The following CPEB1 variants were observed in gnomAD, a reference collection of about 807,000 sequenced individuals.
CPEB1 encodes the protein cytoplasmic polyadenylation element binding protein 1.
In CPEB1, 7 loss-of-function variants were observed where a neutral mutation model predicts 65.8. The ratio of observed to expected loss-of-function variants is 0.11; its 90% CI spans 0.06 to 0.20. The LOEUF is 0.20. Among genes scored for constraint, CPEB1 ranks in the 10% least tolerant of loss-of-function variants. CPEB1 has a pLI of 1.00. For missense variants in CPEB1, 551 were observed against 712.2 expected, an observed-to-expected ratio of 0.77 and a Z score of 2.58; for synonymous variants, 262 against 260.0, an observed-to-expected ratio of 1.01 and a Z score of -0.08.
chr15:82,571,605 A>C, intron 3 of CPEB1, 73 bp from the exon 4 acceptor site: 1 of 1,524,648 alleles, frequency 6.6e-7, no homozygotes, highest in East Asian at 2.3e-5. Context: ...AACAGTAAAT[A>C]TTATTAATAA....
In CPEB1 at chr15:82,629,986, A is replaced by G. The variant is rs538732883; in HGVS notation, c.-97-1430T>C. 1.9e-5 allele frequency: 19 copies of G among 985,342 alleles called. No individual in the cohort carries two copies. The East Asian group carries it at 4.5e-4, about 24-fold the overall frequency. The allele number at this position is 985,342 out of a possible 1,614,324, so 61.0% of individuals were successfully genotyped here. A position where few individuals can be genotyped will look rare whatever the true frequency, so the allele number is the denominator to read the frequency against. On this transcript the variant is annotated intron_variant, in intron 1 of 12. Transcript: ENST00000684509. ...ACAAGGTTGTTTTCCCAAGCTCTCT[A>G]GAGTGGTGCCATTGAGAACTGTTAA...
intron 3 of CPEB1, among the ~76,000 whole-genome samples, chr15:82,573,523 A>G (rs924266176): frequency 1.3e-5 from 2 of 151,986 alleles, no homozygotes; most frequent in Admixed American, 6.6e-5. Flanking sequence ...TTAAGTATCT[A>G]TTCTCCCCTA....
At chr15:82,595,302 G>C (rs2042588637) in intron 3 of CPEB1, among the ~76,000 whole-genome samples, 1 of 152,180 alleles carries the variant, frequency 6.6e-6, no homozygotes, top group Admixed American at 6.5e-5. Flanking sequence ...GTTTTTGTAT[G>C]AACATTCGTT....
chr15:82,546,961 T>C (rs1208641148), intron 11 of CPEB1, among the ~76,000 whole-genome samples, 182 bp downstream of exon 11: 1 of 152,192 alleles, frequency 6.6e-6, no homozygotes, highest in Non-Finnish European at 1.5e-5. Context: ...CCCTTCCTCC[T>C]GGGCGTACAA....
intron 2 of CPEB1, 65 bp from the exon 3 acceptor site, chr15:82,627,432 C>T (rs971739297): frequency 1.6e-6 from 2 of 1,252,844 alleles, no homozygotes; most frequent in African/African-American, 1.5e-5. Context: ...TTTCTCTCCA[C>T]ATTACGAATT....
intron 3 of CPEB1, among the ~76,000 whole-genome samples, chr15:82,626,110 ACT>A (rs1434005440): frequency 6.7e-6 from 1 of 148,428 alleles, no homozygotes; most frequent in East Asian, 2.0e-4. Context: ...AAAGAGCTAG[ACT>A]CTGTCTCAAA....
chr15:82,563,608 C>T (rs1483327466), intron 4 of CPEB1, among the ~76,000 whole-genome samples: 2 of 151,262 alleles, frequency 1.3e-5, no homozygotes, highest in African/African-American at 4.9e-5. Flanking sequence ...TCCCAAAGTA[C>T]TCAGGTCACA....
At chr15:82,583,906 C>T (rs2041521835) in intron 3 of CPEB1, among the ~76,000 whole-genome samples, 1 of 152,146 alleles carries the variant, frequency 6.6e-6, no homozygotes, top group Admixed American at 6.5e-5. Flanking sequence ...TCTGATCATC[C>T]TATTGATACC....
intron 3 of CPEB1, chr15:82,572,983 G>A: frequency 5.3e-6 from 8 of 1,502,994 alleles, no homozygotes; most frequent in Non-Finnish European, 6.2e-6. Flanking sequence ...TAGGGCAACA[G>A]GCCCAGACTC....
intron 8 of CPEB1, 96 bp downstream of exon 8, chr15:82,553,371 G>A (rs1207309172): frequency 4.6e-6 from 4 of 874,738 alleles, no homozygotes; most frequent in Non-Finnish European, 7.5e-6. Context: ...TTACCAACAT[G>A]CAGCTGTGAC....
At chr15:82,607,827 A>T (rs1216304011) in intron 3 of CPEB1, among the ~76,000 whole-genome samples, 3 of 152,230 alleles carry the variant, frequency 2.0e-5, no homozygotes, top group Non-Finnish European at 2.9e-5. Context: ...CCACCAAAAT[A>T]TATGCAACAA....
At chr15:82,643,427 C>T (rs1228340027) in intron 1 of CPEB1, among the ~76,000 whole-genome samples, 2 of 152,004 alleles carry the variant, frequency 1.3e-5, no homozygotes, top group African/African-American at 2.4e-5. Flanking sequence ...GTCAGGAGTT[C>T]GAGACCAGCC....
chr15:82,545,568 C>T (rs1215127603), intron 12 of CPEB1, among the ~76,000 whole-genome samples: 2 of 152,162 alleles, frequency 1.3e-5, no homozygotes, highest in African/African-American at 4.8e-5. Context: ...CCCAAACCCA[C>T]TGAATCAGAA....
intron 3 of CPEB1, among the ~76,000 whole-genome samples, chr15:82,575,159 C>A (rs929236988): frequency 1.3e-5 from 2 of 152,200 alleles, no homozygotes; most frequent in Non-Finnish European, 2.9e-5. Context: ...CAAAGTTGAA[C>A]CAACCTAAGT....
intron 3 of CPEB1, among the ~76,000 whole-genome samples, chr15:82,574,722 C>CAAAAAA (rs534968367): frequency 0.015 from 820 of 53,462 alleles, 99 homozygotes; most frequent in African/African-American, 0.017. Flanking sequence ...GACTCGGTCT[C>CAAAAAA]AAAAAAAAAA....
intron 1 of CPEB1, 166 bp downstream of exon 1, chr15:82,646,971 C>T (rs1277779640): frequency 6.6e-6 from 1 of 152,582 alleles, no homozygotes; most frequent in African/African-American, 2.4e-5. Context: ...GGCACCTGGC[C>T]TCGTCCGGCA....
chr15:82,560,953 T>C (rs537996406), intron 4 of CPEB1, among the ~76,000 whole-genome samples: 93 of 152,362 alleles, frequency 6.1e-4, no homozygotes, highest in African/African-American at 2.1e-3. Flanking sequence ...ACAGAATTGA[T>C]GATAACAGCA....
At chr15:82,584,903 CTTT>C (rs3080692) in intron 3 of CPEB1, among the ~76,000 whole-genome samples, 9 of 81,736 alleles carry the variant, frequency 1.1e-4, no homozygotes, top group East Asian at 3.7e-4. Context: ...TCCTAATTTG[CTTT>C]TTTTTTTTTT....
At chr15:82,647,618 G>A, upstream of CPEB1, 1 of 335,060 alleles carries the variant, frequency 3.0e-6, no homozygotes, top group Non-Finnish European at 5.4e-6. Flanking sequence ...CGCCCCCGCA[G>A]GGCTGCGGCG....
Sources: allele counts gnomAD v4.1 joint callset (sites outside exome capture counted in the v4.1 genomes callset), GRCh38; gene constraint gnomAD v4.1.1; transcripts MANE v1.5; gene names NCBI Gene and HGNC (gene_info 2026-07-23, HGNC 2026-07-21).